Variants in YES1 observed in about 807,000 individuals in gnomAD.
YES1 encodes the protein YES proto-oncogene 1, Src family tyrosine kinase.
YES1 carries 39 observed loss-of-function variants against 70.4 expected under a neutral mutation model. The ratio of observed to expected loss-of-function variants is 0.55; its 90% confidence interval spans 0.43 to 0.72. The LOEUF (loss-of-function observed/expected upper bound fraction) is 0.72. Ranked by LOEUF, YES1 falls within the 30% of genes least tolerant of loss-of-function variation. The probability of loss-of-function intolerance (pLI) is 0.00; values close to 1 mark genes in which losing one functional copy is unlikely to be tolerated. For synonymous variants in YES1, 198 were observed against 218.6 expected (o/e 0.91, Z 0.83); for missense variants, 495 against 644.8 (o/e 0.77, Z 2.52).
At chr18:809,133 T>G (rs1907244022) in intron 1 of YES1, among the ~76,000 whole-genome samples, 1 of 152,208 alleles carries the variant, frequency 6.6e-6, no homozygotes, top group African/African-American at 2.4e-5. Context: ...ACATTTTGAT[T>G]ATCTTCTATT....
chr18:757,229 C>T (rs373500163), intron 1 of YES1, among the ~76,000 whole-genome samples: 43 of 152,176 alleles, frequency 2.8e-4, no homozygotes, highest in African/African-American at 1.2e-4. Flanking sequence ...TATCGCTGGG[C>T]GCAGTGGCTC....
chr18:777,170 C>A (rs182566804), intron 1 of YES1, among the ~76,000 whole-genome samples: 234 of 152,212 alleles, frequency 1.5e-3, no homozygotes, highest in African/African-American at 5.3e-3. Flanking sequence ...TGAAGTACAA[C>A]ATAGAAGAAC....
chr18:762,892 A>G (rs1188774606), intron 1 of YES1, among the ~76,000 whole-genome samples: 1 of 152,246 alleles, frequency 6.6e-6, no homozygotes, highest in Non-Finnish European at 1.5e-5. Flanking sequence ...GAAAAATGCT[A>G]GAGTGTGACA....
At chr18:809,983 T>C (rs1907290289) in intron 1 of YES1, among the ~76,000 whole-genome samples, 1 of 151,846 alleles carries the variant, frequency 6.6e-6, no homozygotes, top group Non-Finnish European at 1.5e-5. Context: ...TGCTTCTATT[T>C]TTACGTTCAC....
intron 1 of YES1, among the ~76,000 whole-genome samples, chr18:808,317 G>C (rs183529486): frequency 2.6e-5 from 4 of 152,254 alleles, no homozygotes; most frequent in Non-Finnish European, 5.9e-5. Context: ...TCTGAGTTTA[G>C]ACAGGAGCTG....
intron 2 of YES1, among the ~76,000 whole-genome samples, chr18:754,263 C>T (rs534218359): frequency 6.6e-6 from 1 of 152,286 alleles, no homozygotes; most frequent in East Asian, 1.9e-4. Context: ...CCATATAATA[C>T]AATTCTCCCC....
chr18:732,941 G>A lies in YES1; in HGVS notation c.1316C>T (p.Thr439Ile), dbSNP rs774168125. 1 of 1,614,120 alleles carries A rather than the reference G, an allele frequency of 6.2e-7. No homozygotes were observed. Residue 439 changes from threonine to isoleucine, a missense_variant, in exon 11 of 12, where the codon ACA becomes ATA. This residue lies in a region of YES1 where 385 missense variants were observed against 540.9 expected (regional missense o/e 0.71). Coordinates refer to ENST00000314574, the MANE Select transcript of YES1 (RefSeq NM_005433.4). Reference protein sequence around the residue: ...RQGAKFPIKWTAPEAALYGRF... With the variant: ...RQGAKFPIKWIAPEAALYGRF... ...ACCATACAGTGCAGCTTCAGGAGCT[G>A]TCCATTTGATTGGAAATTTTGCACC... is the stretch of plus-strand genomic sequence containing the variant.
intron 1 of YES1, among the ~76,000 whole-genome samples, chr18:799,757 T>G (rs926993485): frequency 6.6e-6 from 1 of 151,898 alleles, no homozygotes; most frequent in African/African-American, 2.4e-5. Flanking sequence ...AAAAATTAGC[T>G]GGGCATGGTG....
intron 1 of YES1, among the ~76,000 whole-genome samples, chr18:776,777 GTTCTAAAAT>G (rs1456327769): frequency 1.3e-5 from 2 of 152,104 alleles, no homozygotes; most frequent in Non-Finnish European, 2.9e-5. Flanking sequence ...ACCCAAGGAG[GTTCTAAAAT>G]GTTGACTGCC....
rs111416313 is a variant in YES1, at chr18:751,793, T to C, written c.283A>G (p.Ile95Val). 23 of 1,588,622 alleles carry C rather than the reference T, an allele frequency of 1.4e-5. No individual in the cohort carries two copies. The highest frequency in any genetic ancestry group is 1.7e-4 in the Middle Eastern group (1 of 5,804). The change falls in exon 3 of 12, where the codon ATA becomes GTA. Residue 95 changes from isoleucine (I) to valine (V), a missense_variant. Around this residue, in one of 2 missense-constraint regions of YES1, gnomAD observed 385 missense variants for 540.9 expected, o/e 0.71. Transcript: ENST00000314574. ...TCATAATCATATAAGGCCACAAATA[T>C]AGTAACACCACCTATCAGAGGGAAA... is the stretch of plus-strand genomic sequence containing the variant. ...YPAGLTGGVTIFVALYDYEAR... is the reference protein window; with the variant it reads ...YPAGLTGGVTVFVALYDYEAR...
chr18:809,229 TAAAG>T (rs983666325), intron 1 of YES1, among the ~76,000 whole-genome samples: 4 of 152,198 alleles, frequency 2.6e-5, no homozygotes, highest in South Asian at 2.1e-4. Flanking sequence ...ATTAAGTTAT[TAAAG>T]AAAACGAACT....
intron 1 of YES1, among the ~76,000 whole-genome samples, chr18:786,925 T>C (rs1188467814): frequency 1.3e-5 from 2 of 152,070 alleles, no homozygotes; most frequent in African/African-American, 2.4e-5. Context: ...TAAGCCTGTA[T>C]TCCCTCTAGG....
Position 722,863 on chromosome 18 carries a change from C to G in YES1, c.*1561G>C, listed in dbSNP as rs527885552. 6.6e-6 allele frequency: 1 copy of G among 152,132 alleles called. No individual in the cohort carries two copies. Among genetic ancestry groups the G allele is most frequent in the Non-Finnish European group, 1.5e-5 (1 of 68,048 alleles). The allele number at this position is 152,132 out of a possible 1,614,324, so 9.4% of individuals were successfully genotyped here. On this transcript the variant is annotated 3_prime_UTR_variant, in exon 12 of 12. Coordinates refer to ENST00000314574, the MANE Select transcript of YES1 (RefSeq NM_005433.4). ...ATCCCAGCACTTTGGGAGGCCGAGG[C>G]GGGCAGATCACAAGGTCAGGAGATC... is the stretch of plus-strand genomic sequence containing the variant.
chr18:794,562 G>GA (rs1256403780), intron 1 of YES1, among the ~76,000 whole-genome samples: 2 of 151,822 alleles, frequency 1.3e-5, no homozygotes, highest in African/African-American at 2.4e-5. Context: ...GGCTGCTGTA[G>GA]AAAAAAAATG....
At chr18:739,928 A>T in intron 8 of YES1, 117 bp from the exon 9 acceptor site, 4 of 785,048 alleles carry the variant, frequency 5.1e-6, no homozygotes, top group Non-Finnish European at 7.6e-6. Context: ...ATTTTTTTTA[A>T]ATTTTGTGCA....
intron 1 of YES1, among the ~76,000 whole-genome samples, chr18:799,313 G>A (rs915527956): frequency 1.3e-5 from 2 of 152,154 alleles, no homozygotes; most frequent in Non-Finnish European, 2.9e-5. Flanking sequence ...TGACCTGCTA[G>A]AAACTATTTT....
intron 1 of YES1, among the ~76,000 whole-genome samples, chr18:772,665 C>T (rs1485210653): frequency 1.3e-5 from 2 of 152,136 alleles, no homozygotes; most frequent in African/African-American, 4.8e-5. Flanking sequence ...CTCCTGACCT[C>T]AGGTGATCCA....
chr18:760,473 A>AAAAC (rs958531839), intron 1 of YES1, among the ~76,000 whole-genome samples: 5 of 152,136 alleles, frequency 3.3e-5, no homozygotes, highest in African/African-American at 4.8e-5. Flanking sequence ...CTGTCTAAAA[A>AAAAC]AAACAAACAA....
At chr18:761,557 C>G (rs1904595676) in intron 1 of YES1, among the ~76,000 whole-genome samples, 1 of 152,138 alleles carries the variant, frequency 6.6e-6, no homozygotes, top group South Asian at 2.1e-4. Context: ...TTACCCATAA[C>G]CATCTTAAAG....
Sources: allele counts gnomAD v4.1 joint callset (sites outside exome capture counted in the v4.1 genomes callset), GRCh38; gene constraint gnomAD v4.1.1; regional missense constraint gnomAD v4.1.1; transcripts MANE v1.5; gene names NCBI Gene and HGNC (gene_info 2026-07-23, HGNC 2026-07-21).